SLC9B1: variants seen among roughly 807,000 people sequenced by gnomAD.
SLC9B1 encodes the protein solute carrier family 9 member B1, also known as sodium/hydrogen exchanger 9B1.
In SLC9B1, 32 loss-of-function variants were observed where a neutral mutation model predicts 51.7. The observed-to-expected ratio is 0.62, with a 90% CI of 0.47 to 0.83. The LOEUF (loss-of-function observed/expected upper bound fraction) is 0.83, where lower values mean the gene tolerates loss of function less well. Among genes scored for constraint, SLC9B1 ranks in the 40% least tolerant of loss-of-function variants. The pLI is 0.00. For missense variants in SLC9B1, 406 were observed against 613.2 expected (o/e 0.66, Z 3.57); for synonymous variants, 145 against 212.7 (o/e 0.68, Z 2.77).
At chr4:102,908,400 A>AC (rs1735163231) in intron 9 of SLC9B1, among the ~76,000 whole-genome samples, 1 of 152,230 alleles carries the variant, frequency 6.6e-6, no homozygotes, top group Admixed American at 6.5e-5. Context: ...ATATATATAT[A>AC]TACATACACA....
At chr4:102,942,747 C>A (rs562919515) in intron 6 of SLC9B1, among the ~76,000 whole-genome samples, 1 of 152,178 alleles carries the variant, frequency 6.6e-6, no homozygotes, top group South Asian at 2.1e-4. Context: ...TTGGAAATAC[C>A]CTTCTAGACA....
chr4:102,892,761 A>G (rs1734315922), intron 11 of SLC9B1: 1 of 152,226 alleles, frequency 6.6e-6, no homozygotes, highest in Non-Finnish European at 1.5e-5. Context: ...TCATAATTAG[A>G]GATAACCCTG....
At chr4:102,914,964 CAA>C (rs894709167) in intron 7 of SLC9B1, among the ~76,000 whole-genome samples, 69 of 152,158 alleles carry the variant, frequency 4.5e-4, no homozygotes, top group African/African-American at 1.6e-3. Flanking sequence ...AAGTCAAAGA[CAA>C]AGAGAGAATT....
intron 7 of SLC9B1, among the ~76,000 whole-genome samples, chr4:102,931,225 CAA>C (rs34843459): frequency 5.7e-5 from 7 of 122,596 alleles, no homozygotes; most frequent in Admixed American, 8.4e-5. Flanking sequence ...GACTCCGCCT[CAA>C]AAAAAAAAAA....
chr4:102,906,021 C>T (rs1309173067), intron 10 of SLC9B1, among the ~76,000 whole-genome samples: 5 of 151,980 alleles, frequency 3.3e-5, no homozygotes, highest in African/African-American at 1.2e-4. Context: ...CTGCAACTTC[C>T]GACTCCCGGG....
chr4:102,904,517 T>C (rs1215544795), intron 11 of SLC9B1, among the ~76,000 whole-genome samples: 1 of 152,164 alleles, frequency 6.6e-6, no homozygotes, highest in Non-Finnish European at 1.5e-5. Flanking sequence ...ACTTTTTAAT[T>C]TCAAAAGAAT....
intron 9 of SLC9B1, among the ~76,000 whole-genome samples, chr4:102,907,373 C>T (rs1171186847): frequency 2.0e-5 from 3 of 152,224 alleles, no homozygotes; most frequent in African/African-American, 7.2e-5. Context: ...GGAACTCAAT[C>T]CCATTAAAGT....
At chr4:102,895,010 C>A (rs1344867769) in intron 11 of SLC9B1, among the ~76,000 whole-genome samples, 1 of 152,046 alleles carries the variant, frequency 6.6e-6, no homozygotes, top group Non-Finnish European at 1.5e-5. Flanking sequence ...ATTAGAATCA[C>A]AAAAGCATTT....
chr4:102,963,185 A>G (rs1300290558), intron 3 of SLC9B1: 1 of 357,276 alleles, frequency 2.8e-6, no homozygotes, highest in Non-Finnish European at 5.5e-6. Context: ...GTAATCCATC[A>G]CATGCACCAC....
exon 12 of SLC9B1, chr4:102,885,204 C>G: frequency 6.2e-7 from 1 of 1,606,582 alleles, no homozygotes; most frequent in Non-Finnish European, 8.5e-7. Context: ...TCTGACACAT[C>G]TACATGTTTA....
chr4:102,976,570 A>G (rs1272504311), intron 3 of SLC9B1, among the ~76,000 whole-genome samples: 1 of 152,262 alleles, frequency 6.6e-6, no homozygotes, highest in Non-Finnish European at 1.5e-5. Context: ...GAAATGTTGT[A>G]CAAATTAAAA....
chr4:102,977,810 CTT>C (rs1739152532), intron 3 of SLC9B1, among the ~76,000 whole-genome samples: 1 of 151,958 alleles, frequency 6.6e-6, no homozygotes, highest in Non-Finnish European at 1.5e-5. Context: ...AAAACATATT[CTT>C]TTTTTATTAT....
At position 102,932,290 on chromosome 4, in the gene SLC9B1, T is replaced by TA. The variant is rs1736499185; in HGVS notation, c.662dup (p.Gly222ArgfsTer23). 6.2e-7 allele frequency: 1 copy of TA among 1,610,064 alleles called. No individual in the cohort carries two copies. Among genetic ancestry groups the TA allele is most frequent in the African/African-American group, 1.3e-5 (1 of 74,774 alleles). On this transcript the variant is annotated frameshift_variant, in exon 7 of 12. Coordinates refer to ENST00000296422, the MANE Select transcript of SLC9B1 (RefSeq NM_139173.4). LOFTEE classifies it high-confidence loss of function. ...CAACAACAGCAGGAGAGACAGCACC[T>TA]AGAACAAAACTGAAAGAAAGAATGA...
chr4:102,969,956 C>T lies in SLC9B1; in HGVS notation c.211+19844G>A, dbSNP rs567462937. On this transcript the variant is annotated intron_variant, in intron 3 of 11. Coordinates refer to ENST00000296422, the MANE Select transcript of SLC9B1 (RefSeq NM_139173.4). ...TTTAGAGAAAAAGAGTAAAAAAAAA[C>T]GAACAAAGCCTCCAAGAAATACGGG... Among the ~76,000 whole-genome samples the T allele has an allele frequency of 6.5e-4, 99 of 151,678 alleles. 1 individual carries two copies. Among genetic ancestry groups the T allele is most frequent in the South Asian group, 2.3e-3 (11 of 4,794 alleles).
chr4:102,932,091 A>G, intron 7 of SLC9B1, 33 bp downstream of exon 7: 1 of 1,604,736 alleles, frequency 6.2e-7, no homozygotes, highest in Non-Finnish European at 8.5e-7. Flanking sequence ...AAGGTCATGA[A>G]TGATCTAGTG....
At position 102,893,281 on chromosome 4, in the gene SLC9B1, C is replaced by CAAAAAAAAAAAAAAAAAAA. The variant is rs58316456; in HGVS notation, c.1333-7972_1333-7954dup. ...TGGGCCACAGAGCAAGACTCCATCTCAAAAAAAAAAAAAAAAAAAAAAAAG... is the reference window on the plus strand; with the variant it reads ...TGGGCCACAGAGCAAGACTCCATCTCAAAAAAAAAAAAAAAAAAAAAAAAAAAAAAAAAAAAAAAAAAAG... On this transcript the variant is annotated intron_variant, in intron 11 of 11. Transcript: ENST00000394789. Among the ~76,000 whole-genome samples the CAAAAAAAAAAAAAAAAAAA allele has an allele frequency of 5.5e-3, 193 of 35,144 alleles. 2 individuals are homozygous for CAAAAAAAAAAAAAAAAAAA. The highest frequency in any genetic ancestry group is 0.011 in the East Asian group (10 of 930). The allele number at this position is 35,144 out of a possible 152,430, so 23.1% of individuals were successfully genotyped here.
intron 6 of SLC9B1, 127 bp downstream of exon 6, chr4:102,945,066 C>A: frequency 9.0e-7 from 1 of 1,115,456 alleles, no homozygotes; most frequent in Non-Finnish European, 1.2e-6. Flanking sequence ...CAACTGCTTT[C>A]CAAGGATTTT....
At chr4:102,948,427 C>A (rs1737380072) in intron 4 of SLC9B1, among the ~76,000 whole-genome samples, 1 of 151,010 alleles carries the variant, frequency 6.6e-6, no homozygotes, top group Admixed American at 6.6e-5. Flanking sequence ...AAAATGAATT[C>A]AATAGTACAT....
At chr4:103,010,309 T>C (rs965956019) in intron 1 of SLC9B1, among the ~76,000 whole-genome samples, 1 of 152,120 alleles carries the variant, frequency 6.6e-6, no homozygotes, top group African/African-American at 2.4e-5. Context: ...CCTCCTCACA[T>C]GGCAGAAGGT....
Sources: gnomAD v4.1 joint callset for allele counts (sites outside exome capture counted in the v4.1 genomes callset) on GRCh38, gnomAD v4.1.1 for gene constraint, MANE v1.5 for transcripts, NCBI Gene and HGNC (gene_info 2026-07-23, HGNC 2026-07-21) for gene names.